Variants in PCDH7 observed in about 807,000 individuals in gnomAD.
PCDH7 encodes the protein protocadherin-7.
PCDH7 carries 17 observed loss-of-function variants against 58.9 expected under a neutral mutation model. The ratio of observed to expected loss-of-function variants is 0.29; its 90% CI spans 0.20 to 0.43. PCDH7 has a LOEUF of 0.43. Ranked by LOEUF, PCDH7 falls within the 20% of genes least tolerant of loss-of-function variation. The probability of loss-of-function intolerance (pLI) is 1.00; values close to 1 mark genes in which losing one functional copy is unlikely to be tolerated. For synonymous variants in PCDH7, 664 were observed against 616.4 expected (o/e 1.08, Z -1.14); for missense variants, 1,274 against 1,441.0 (o/e 0.88, Z 1.88).
intron 3 of PCDH7, among the ~76,000 whole-genome samples, chr4:31,048,913 A>G (rs1468883611): frequency 6.6e-6 from 1 of 152,160 alleles, no homozygotes; most frequent in African/African-American, 2.4e-5. Context: ...GAATAAAAGT[A>G]TAGTCAGGAC....
intron 2 of PCDH7, among the ~76,000 whole-genome samples, chr4:30,949,333 A>G (rs1170087899): frequency 6.6e-6 from 1 of 152,138 alleles, no homozygotes; most frequent in African/African-American, 2.4e-5. Context: ...ATTCTAAGAG[A>G]AAAAAATTGT....
At chr4:30,928,834 A>G (rs1385572203) in intron 2 of PCDH7, among the ~76,000 whole-genome samples, 1 of 152,214 alleles carries the variant, frequency 6.6e-6, no homozygotes, top group African/African-American at 2.4e-5. Context: ...TTTGAAGCCA[A>G]ATAAATTCAG....
At chr4:30,886,677 T>A (rs965437838) in intron 1 of PCDH7, among the ~76,000 whole-genome samples, 3 of 151,206 alleles carry the variant, frequency 2.0e-5, no homozygotes, top group African/African-American at 4.9e-5. Context: ...TGCACACGTA[T>A]GTTTATTGCG....
intron 3 of PCDH7, among the ~76,000 whole-genome samples, chr4:30,978,197 G>A (rs947536674): frequency 6.6e-6 from 1 of 152,052 alleles, no homozygotes; most frequent in South Asian, 2.1e-4. Flanking sequence ...TAAACGAATC[G>A]GTACTGATTA....
intron 3 of PCDH7, among the ~76,000 whole-genome samples, chr4:31,071,401 A>T (rs372937170): frequency 6.6e-6 from 1 of 152,050 alleles, no homozygotes; most frequent in Non-Finnish European, 1.5e-5. Flanking sequence ...TTAAGAAAAA[A>T]ATCTTTGGTT....
At chr4:31,079,746 G>A (rs1327495915) in intron 3 of PCDH7, among the ~76,000 whole-genome samples, 1 of 151,884 alleles carries the variant, frequency 6.6e-6, no homozygotes, top group Non-Finnish European at 1.5e-5. Context: ...CATGTTCAAC[G>A]GTGTTAACTG....
intron 3 of PCDH7, among the ~76,000 whole-genome samples, chr4:30,987,165 C>G (rs4692109): frequency 0.7 from 106,159 of 151,854 alleles, 37,511 homozygotes; most frequent in African/African-American, 0.8. Context: ...TTCTTCTACA[C>G]TACTCCAAAA....
intron 1 of PCDH7, among the ~76,000 whole-genome samples, chr4:30,898,473 T>A (rs141082188): frequency 3.8e-4 from 58 of 152,344 alleles, no homozygotes; most frequent in African/African-American, 1.3e-3. Flanking sequence ...ATGTAATTTT[T>A]AACTCCGCAG....
intron 1 of PCDH7, among the ~76,000 whole-genome samples, chr4:30,746,298 C>T (rs1014778868): frequency 6.6e-6 from 1 of 152,070 alleles, no homozygotes; most frequent in Non-Finnish European, 1.5e-5. Flanking sequence ...GTGTCCTGGC[C>T]CACCCTCAGT....
chr4:30,863,465 C>T (rs1343320832), intron 1 of PCDH7, among the ~76,000 whole-genome samples: 2 of 152,010 alleles, frequency 1.3e-5, no homozygotes, highest in South Asian at 2.1e-4. Context: ...AACAAATGAT[C>T]GTCACGCACA....
At chr4:30,866,510 T>G (rs954516853) in intron 1 of PCDH7, among the ~76,000 whole-genome samples, 10 of 152,054 alleles carry the variant, frequency 6.6e-5, no homozygotes, top group Non-Finnish European at 1.0e-4. Context: ...AGAGGCATTT[T>G]TGGGCTGATT....
intron 2 of PCDH7, among the ~76,000 whole-genome samples, chr4:30,941,404 T>C (rs771188461): frequency 6.6e-6 from 1 of 151,988 alleles, no homozygotes; most frequent in Non-Finnish European, 1.5e-5. Flanking sequence ...TAGCTTCCGC[T>C]AATCTTATTC....
intron 1 of PCDH7, among the ~76,000 whole-genome samples, chr4:30,766,160 A>C (rs1720729049): frequency 6.6e-6 from 1 of 152,074 alleles, no homozygotes; most frequent in Non-Finnish European, 1.5e-5. Flanking sequence ...TCTAATTGCA[A>C]AATGTCACTG....
intron 1 of PCDH7, among the ~76,000 whole-genome samples, chr4:30,909,308 A>G (rs976769636): frequency 2.0e-5 from 3 of 152,202 alleles, no homozygotes; most frequent in Non-Finnish European, 4.4e-5. Context: ...CCTATTCAAC[A>G]TAGAATCTGA....
intron 2 of PCDH7, among the ~76,000 whole-genome samples, chr4:30,933,996 A>G (rs1028541173): frequency 6.6e-6 from 1 of 152,200 alleles, no homozygotes; most frequent in Admixed American, 6.5e-5. Flanking sequence ...ACCATATTTT[A>G]TCAGTTTTTC....
chr4:31,044,246 TA>T (rs1212921449), intron 3 of PCDH7, among the ~76,000 whole-genome samples: 1 of 152,054 alleles, frequency 6.6e-6, no homozygotes, highest in African/African-American at 2.4e-5. Flanking sequence ...TTCTCAAGAT[TA>T]ACAAAGTGGA....
intron 1 of PCDH7, among the ~76,000 whole-genome samples, chr4:30,783,976 T>A (rs1723104303): frequency 6.6e-6 from 1 of 151,968 alleles, no homozygotes; most frequent in Non-Finnish European, 1.5e-5. Context: ...GAGAGACTTG[T>A]TGCCTGAGTG....
At chr4:31,108,026 A>G (rs1158864838) in intron 3 of PCDH7, among the ~76,000 whole-genome samples, 1 of 152,150 alleles carries the variant, frequency 6.6e-6, no homozygotes, top group East Asian at 1.9e-4. Context: ...AAAGTATAGT[A>G]CTTCTGCATT....
chr4:30,792,769 TA>T (rs1724294858), intron 1 of PCDH7, among the ~76,000 whole-genome samples: 1 of 152,138 alleles, frequency 6.6e-6, no homozygotes, highest in South Asian at 2.1e-4. Context: ...GTCTAGCTGT[TA>T]AAGGCGGGTC....
Sources: allele counts gnomAD v4.1 joint callset (sites outside exome capture counted in the v4.1 genomes callset), GRCh38; gene constraint gnomAD v4.1.1; transcripts MANE v1.5; gene names NCBI Gene and HGNC (gene_info 2026-07-23, HGNC 2026-07-21).